Variants in SARNP observed in about 807,000 individuals in gnomAD.
SARNP encodes SAP domain containing ribonucleoprotein.
A neutral mutation model predicts 38.1 loss-of-function variants in SARNP; 5 were observed. The ratio of observed to expected loss-of-function variants is 0.13; its 90% CI spans 0.07 to 0.28. SARNP has a LOEUF of 0.28. Among genes scored for constraint, SARNP ranks in the 10% least tolerant of loss-of-function variants. The pLI is 1.00. For synonymous variants in SARNP, 84 were observed against 80.6 expected, an observed-to-expected ratio of 1.04 and a Z score of -0.23; for missense variants, 180 against 243.9, an observed-to-expected ratio of 0.74 and a Z score of 1.75.
intron 9 of SARNP, among the ~76,000 whole-genome samples, chr12:55,764,791 C>T (rs538661270): frequency 3.4e-5 from 5 of 145,854 alleles, no homozygotes; most frequent in Non-Finnish European, 7.5e-5. Flanking sequence ...AAGATCACGC[C>T]ACTGCACTCC....
chr12:55,798,529 A>G (rs1879884305), intron 4 of SARNP, among the ~76,000 whole-genome samples: 1 of 152,196 alleles, frequency 6.6e-6, no homozygotes, highest in Non-Finnish European at 1.5e-5. Context: ...TATTTGACAA[A>G]AATCTATCAA....
At chr12:55,792,767 C>T (rs1879711502) in intron 7 of SARNP, 1 of 152,066 alleles carries the variant, frequency 6.6e-6, no homozygotes, top group Admixed American at 6.6e-5. Flanking sequence ...CACTGCCAGC[C>T]TTGACCTCCC....
chr12:55,776,014 ACAC>A (rs1423337195), intron 9 of SARNP, among the ~76,000 whole-genome samples: 2 of 152,104 alleles, frequency 1.3e-5, no homozygotes, highest in African/African-American at 4.8e-5. Flanking sequence ...TCCTTCCCCA[ACAC>A]CACTTTATTT....
chr12:55,768,083 G>C (rs1878896949), intron 9 of SARNP, among the ~76,000 whole-genome samples: 2 of 152,050 alleles, frequency 1.3e-5, no homozygotes, highest in South Asian at 4.2e-4. Context: ...TCTCCACAAA[G>C]TCCTATTAAC....
chr12:55,774,061 G>T (rs1475159266), intron 9 of SARNP, among the ~76,000 whole-genome samples: 1 of 151,980 alleles, frequency 6.6e-6, no homozygotes, highest in Non-Finnish European at 1.5e-5. Flanking sequence ...CTGGAGTGCA[G>T]TGGCACAACC....
chr12:55,784,281 G>C (rs893368175), intron 9 of SARNP, among the ~76,000 whole-genome samples: 2 of 152,128 alleles, frequency 1.3e-5, no homozygotes, highest in African/African-American at 2.4e-5. Flanking sequence ...CAGAATCCCA[G>C]GATGAAGTGG....
downstream of SARNP, chr12:55,752,973 T>C (rs890133759): frequency 6.6e-6 from 1 of 152,228 alleles, no homozygotes. Flanking sequence ...TCGTGTTCAA[T>C]GACTAAGAAG....
At chr12:55,782,979 C>T (rs148683562) in intron 9 of SARNP, among the ~76,000 whole-genome samples, 35 of 152,078 alleles carry the variant, frequency 2.3e-4, no homozygotes, top group African/African-American at 7.2e-4. Flanking sequence ...GGTGTGGTGG[C>T]GCACGCCTGT....
chr12:55,778,963 T>C (rs1320259762), intron 9 of SARNP, among the ~76,000 whole-genome samples: 1 of 152,136 alleles, frequency 6.6e-6, no homozygotes, highest in African/African-American at 2.4e-5. Flanking sequence ...AGGGCGAGAC[T>C]GTCTCAAAAA....
At chr12:55,782,670 T>G (rs998423373) in intron 9 of SARNP, among the ~76,000 whole-genome samples, 37 of 152,112 alleles carry the variant, frequency 2.4e-4, no homozygotes, top group Non-Finnish European at 4.4e-4. Context: ...CACTGCAGTC[T>G]CGAGTTCCTA....
At chr12:55,754,437 TA>T (rs1162937964), downstream of SARNP, 12 of 152,216 alleles carry the variant, frequency 7.9e-5, no homozygotes, top group Non-Finnish European at 1.6e-4. Flanking sequence ...TTCTGGTCTG[TA>T]GTGGCGTAGA....
At chr12:55,768,448 T>C (rs537637474) in intron 9 of SARNP, among the ~76,000 whole-genome samples, 14 of 147,822 alleles carry the variant, frequency 9.5e-5, no homozygotes, top group African/African-American at 3.0e-4. Flanking sequence ...TTTTTGAGAC[T>C]GAGTCCCACT....
At chr12:55,809,541 G>A (rs1475408733) in intron 1 of SARNP, among the ~76,000 whole-genome samples, 1 of 151,938 alleles carries the variant, frequency 6.6e-6, no homozygotes, top group Non-Finnish European at 1.5e-5. Flanking sequence ...GATCACTTGA[G>A]CCTAGGAGTT....
intron 4 of SARNP, 109 bp from the exon 5 acceptor site, chr12:55,796,185 C>A: frequency 1.4e-6 from 1 of 729,620 alleles, no homozygotes; most frequent in South Asian, 1.7e-5. Context: ...TATTATCTCT[C>A]TGCCACCCCC....
intron 1 of SARNP, among the ~76,000 whole-genome samples, chr12:55,803,929 C>A (rs1206386282): frequency 6.6e-6 from 1 of 152,190 alleles, no homozygotes; most frequent in Non-Finnish European, 1.5e-5. Context: ...AACTGCCTAA[C>A]AGATGCTGAA....
At chr12:55,763,779 G>A (rs1203164662) in intron 9 of SARNP, among the ~76,000 whole-genome samples, 2 of 152,078 alleles carry the variant, frequency 1.3e-5, no homozygotes, top group Non-Finnish European at 2.9e-5. Context: ...ATAATCCTAT[G>A]GAGTAGGCAC....
intron 9 of SARNP, among the ~76,000 whole-genome samples, chr12:55,773,960 G>T (rs1879086109): frequency 1.3e-5 from 2 of 151,884 alleles, no homozygotes; most frequent in Non-Finnish European, 2.9e-5. Context: ...CACCCGCCTT[G>T]GCCTCCCAAA....
intron 1 of SARNP, among the ~76,000 whole-genome samples, chr12:55,813,307 A>T (rs1366808212): frequency 2.0e-5 from 3 of 152,176 alleles, no homozygotes; most frequent in African/African-American, 7.2e-5. Context: ...TGGCCTGACC[A>T]TGTTTGTGGA....
intron 9 of SARNP, among the ~76,000 whole-genome samples, chr12:55,768,835 T>A (rs543175255): frequency 6.6e-6 from 1 of 152,302 alleles, no homozygotes; most frequent in South Asian, 2.1e-4. Context: ...GCGATTCTCC[T>A]GTCTCAGCCT....
Sources: allele counts gnomAD v4.1 joint callset (sites outside exome capture counted in the v4.1 genomes callset), GRCh38; gene constraint gnomAD v4.1.1; transcripts MANE v1.5; gene names NCBI Gene and HGNC (gene_info 2026-07-23, HGNC 2026-07-21).